Variants in KLRG1 observed in about 807,000 individuals in gnomAD.
KLRG1 encodes the protein killer cell lectin like receptor G1.
Under a neutral mutation model 21.8 loss-of-function variants are expected in KLRG1, and 16 were observed. The ratio of observed to expected loss-of-function variants is 0.73; its 90% CI spans 0.50 to 1.11. KLRG1 has a LOEUF of 1.11. Ranked by LOEUF, KLRG1 falls within the 50% of genes most tolerant of loss-of-function variation. KLRG1 has a pLI of 0.00. For synonymous variants in KLRG1, 69 were observed against 75.9 expected, an observed-to-expected ratio of 0.91 and a Z score of 0.47; for missense variants, 173 against 218.3, an observed-to-expected ratio of 0.79 and a Z score of 1.31.
chr12:9,030,767 TA>T, the KLRG1 span, among the ~76,000 whole-genome samples: 168 of 152,370 alleles, frequency 1.1e-3, no homozygotes, highest in African/African-American at 3.9e-3. Context: ...AAAACCACAA[TA>T]ACACAAATGC....
At chr12:8,977,649 C>A (rs188037357) in intron 1 of KLRG1, among the ~76,000 whole-genome samples, 11 of 151,998 alleles carry the variant, frequency 7.2e-5, no homozygotes, top group Non-Finnish European at 1.6e-4. Flanking sequence ...TTCTTTTGTT[C>A]TTCTCTTCCT....
chr12:9,117,353 A>C, the KLRG1 span, among the ~76,000 whole-genome samples: 2 of 152,156 alleles, frequency 1.3e-5, no homozygotes, highest in Non-Finnish European at 2.9e-5. Context: ...GGAAGACCAG[A>C]TGGGAGCTGG....
the KLRG1 span, chr12:9,113,258 G>T: frequency 3.2e-6 from 4 of 1,239,224 alleles, no homozygotes; most frequent in Non-Finnish European, 4.5e-6. Flanking sequence ...ATTCCTTCCT[G>T]CAGTTCTTAC....
At chr12:9,157,720 A>G in the KLRG1 span, 2 of 1,554,488 alleles carry the variant, frequency 1.3e-6, no homozygotes, top group Non-Finnish European at 1.8e-6. Flanking sequence ...TCCAGACAGC[A>G]AATCTACAGT....
chr12:9,097,490 C>G, the KLRG1 span, among the ~76,000 whole-genome samples: 1 of 152,044 alleles, frequency 6.6e-6, no homozygotes, highest in Admixed American at 6.5e-5. Context: ...TCTATTAGCT[C>G]CATATTTTCA....
At chr12:9,106,246 A>G in the KLRG1 span, 1 of 1,607,794 alleles carries the variant, frequency 6.2e-7, no homozygotes, top group Admixed American at 1.7e-5. Flanking sequence ...CTGCCCAAAG[A>G]AGGGAATTCC....
chr12:8,961,436 C>T (rs1440623308), intron 1 of KLRG1, among the ~76,000 whole-genome samples: 2 of 152,026 alleles, frequency 1.3e-5, no homozygotes, highest in African/African-American at 4.8e-5. Context: ...TTTAGAGACA[C>T]AGTTTTACTC....
At chr12:9,197,463 A>AAT in the KLRG1 span, among the ~76,000 whole-genome samples, 1 of 131,352 alleles carries the variant, frequency 7.6e-6, no homozygotes, top group African/African-American at 3.0e-5. Flanking sequence ...AATATATAAT[A>AAT]ATATAATATA....
At chr12:9,092,752 C>T in the KLRG1 span, among the ~76,000 whole-genome samples, 3 of 152,102 alleles carry the variant, frequency 2.0e-5, no homozygotes, top group African/African-American at 4.8e-5. Context: ...CCCAGAAATC[C>T]CTCTTCTGGG....
At chr12:9,168,792 A>G in the KLRG1 span, 1 of 1,098,716 alleles carries the variant, frequency 9.1e-7, no homozygotes, top group East Asian at 2.4e-5. Flanking sequence ...ATAGGGCTAC[A>G]TTACCTCATT....
chr12:9,068,147 C>T, the KLRG1 span: 1 of 1,611,608 alleles, frequency 6.2e-7, no homozygotes. Context: ...GCTGAAGGAG[C>T]TCTGACTGCC....
At chr12:9,076,753 C>T in the KLRG1 span, 1 of 1,613,736 alleles carries the variant, frequency 6.2e-7, no homozygotes, top group Admixed American at 1.7e-5. Context: ...GGTGTGCTCT[C>T]ACCTTTCTTC....
chr12:9,019,144 T>C, the KLRG1 span, among the ~76,000 whole-genome samples: 3 of 152,186 alleles, frequency 2.0e-5, no homozygotes, highest in Admixed American at 1.3e-4. Context: ...AAAGAAGACA[T>C]TGAAATGGCA....
At chr12:8,953,047 ACC>A (rs34775195) in intron 1 of KLRG1, among the ~76,000 whole-genome samples, 53,558 of 146,310 alleles carry the variant, frequency 0.37, 10,661 homozygotes, top group South Asian at 0.47. Flanking sequence ...AGCTAGTGAC[ACC>A]CCCCCCCCGC....
chr12:9,164,110 C>T, the KLRG1 span: 1 of 1,601,430 alleles, frequency 6.2e-7, no homozygotes. Flanking sequence ...GATTGATAGG[C>T]CCTTTTGGGT....
the KLRG1 span, among the ~76,000 whole-genome samples, chr12:9,144,739 C>G: frequency 6.6e-6 from 1 of 152,104 alleles, no homozygotes; most frequent in Admixed American, 6.5e-5. Context: ...GTTGGAATGT[C>G]TCTGGTCAGA....
the KLRG1 span, chr12:9,077,390 C>A: frequency 2.5e-6 from 4 of 1,613,442 alleles, no homozygotes; most frequent in Non-Finnish European, 3.4e-6. Context: ...GTGATATAGG[C>A]GGAGAGGGTC....
At chr12:9,161,248 T>A in the KLRG1 span, 1 of 673,434 alleles carries the variant, frequency 1.5e-6, no homozygotes, top group African/African-American at 1.9e-5. Context: ...TGACCTTGGG[T>A]AAATTGTGAT....
chr12:9,000,000 A>T (rs1224408575), intron 3 of KLRG1, among the ~76,000 whole-genome samples: 1 of 152,130 alleles, frequency 6.6e-6, no homozygotes, highest in Non-Finnish European at 1.5e-5. Context: ...AGGCCACTGC[A>T]CTCCAGCCTG....
Sources: gnomAD v4.1 joint callset for allele counts (sites outside exome capture counted in the v4.1 genomes callset) on GRCh38, gnomAD v4.1.1 for gene constraint, MANE v1.5 for transcripts, NCBI Gene and HGNC (gene_info 2026-07-23, HGNC 2026-07-21) for gene names.